Variants in RAG2 observed in about 807,000 individuals in gnomAD.
The protein encoded by RAG2 is V(D)J recombination-activating protein 2.
RAG2 carries 16 observed loss-of-function variants against 31.8 expected under a neutral mutation model. That is an observed-to-expected ratio of 0.50 (90% CI 0.34 to 0.76). The LOEUF (loss-of-function observed/expected upper bound fraction) is 0.76. Ranked by LOEUF, RAG2 falls within the 30% of genes least tolerant of loss-of-function variation. The pLI, the probability that RAG2 is intolerant of heterozygous loss-of-function variation, is 0.01. For missense variants in RAG2, 622 were observed against 628.5 expected (o/e 0.99, Z 0.11); for synonymous variants, 199 against 215.9 (o/e 0.92, Z 0.68).
chr11:36,594,085 A>G lies in RAG2; in HGVS notation c.84T>C (p.Val28=). The change falls in exon 2 of 2, where the codon GTT becomes GTC. Residue 28 remains valine (V), a synonymous_variant. Transcript: ENST00000311485. ...GCCAGCCTTTTTGTCCAAAGAAGAA[A>G]ACTTGTCCATCAAAATTCATCAGTG... is the stretch of plus-strand genomic sequence containing the variant. The part of the protein sequence containing the change: ...GFSLMNFDGQ[V]FFFGQKGWPK... 1 of 1,614,044 alleles carries G rather than the reference A, an allele frequency of 6.2e-7. No homozygotes were observed. Among genetic ancestry groups the G allele is most frequent in the Non-Finnish European group, 8.5e-7 (1 of 1,179,990 alleles).
chr11:36,593,585 T>C lies in RAG2; in HGVS notation c.584A>G (p.Tyr195Cys), dbSNP rs1371911896. 1.2e-6 allele frequency: 2 copies of C among 1,614,204 alleles called. No individual in the cohort carries two copies. The highest frequency in any genetic ancestry group is 8.5e-7 in the Non-Finnish European group (1 of 1,180,024). The change falls in exon 2 of 2, where the codon TAC becomes TGC. Residue 195 changes from tyrosine (Y) to cysteine (C), a missense_variant. Transcript: ENST00000311485. The part of the protein sequence containing the change: ...VDFEFGCATS[Y>C]ILPELQDGLS... ...CCCATCCTGAAGTTCTGGAAGAATG[T>C]ATGATGTAGCACACCCAAATTCAAA...
Position 36,592,896 on chromosome 11 carries a change from C to A in RAG2, c.1273G>T (p.Val425Leu). The change falls in exon 2 of 2, where the codon GTG becomes TTG. Residue 425 changes from valine to leucine, a missense_variant. Transcript: ENST00000311485. ...YWITCCPTCD[V>L]DINTWVPFYS... ...AATGGTACCCAAGTGTTGATATCCA[C>A]ATCACAAGTAGGGCAGCATGTAATC... 6.2e-7 allele frequency: 1 copy of A among 1,614,148 alleles called. No homozygotes were observed. Among genetic ancestry groups the A allele is most frequent in the Non-Finnish European group, 8.5e-7 (1 of 1,180,028 alleles).
At chr11:36,596,217 T>TTTTTG (rs1165128695) in intron 1 of RAG2, among the ~76,000 whole-genome samples, 5 of 138,246 alleles carry the variant, frequency 3.6e-5, no homozygotes, top group African/African-American at 1.5e-4. Flanking sequence ...TAGTGTTTTT[T>TTTTTG]TTTTGTTTTT....
intron 1 of RAG2, chr11:36,597,681 C>T (rs1851327508): frequency 6.6e-6 from 1 of 152,184 alleles, no homozygotes; most frequent in African/African-American, 2.4e-5. Flanking sequence ...TCTTGCTGAT[C>T]CGTGCTGGCC....
chr11:36,592,143 C>T lies in RAG2; in HGVS notation c.*442G>A. The stretch of plus-strand genomic sequence containing the variant: ...GTAGATCTTGCTTTTAAGTTTTGGC[C>T]AACTGCCGAATTGTTATGTTGCACA... On this transcript the variant is annotated 3_prime_UTR_variant, in exon 2 of 2. Coordinates refer to ENST00000311485, the MANE Select transcript of RAG2 (RefSeq NM_000536.4). The T allele has an allele frequency of 5.2e-6, 1 of 193,732 alleles. No individual in the cohort carries two copies. Among genetic ancestry groups the T allele is most frequent in the East Asian group, 1.4e-4 (1 of 6,936 alleles). 12.0% of individuals were successfully genotyped at this position (193,732 alleles called of 1,614,324 possible).
At chr11:36,595,504 T>C (rs1402833996) in intron 1 of RAG2, among the ~76,000 whole-genome samples, 3 of 152,224 alleles carry the variant, frequency 2.0e-5, no homozygotes, top group East Asian at 3.8e-4. Context: ...TAAGAGTTAA[T>C]TCTTAATATG....
At chr11:36,591,713 T>C (rs1851023618), downstream of RAG2, among the ~76,000 whole-genome samples, 1 of 152,128 alleles carries the variant, frequency 6.6e-6, no homozygotes, top group South Asian at 2.1e-4. Context: ...TTTTGGGAAA[T>C]AATATTATTC....
chr11:36,591,273 GT>G (rs1476851711), downstream of RAG2, among the ~76,000 whole-genome samples: 4 of 152,168 alleles, frequency 2.6e-5, no homozygotes, highest in African/African-American at 9.6e-5. Flanking sequence ...GTACTCCAGC[GT>G]TTCATCTCTT....
chr11:36,593,168 T>C lies in RAG2; in HGVS notation c.1001A>G (p.Asp334Gly), dbSNP rs1851064825. The change falls in exon 2 of 2, where the codon GAC (aspartate) becomes GGC (glycine). Residue 334 changes from aspartate (D) to glycine (G), a missense_variant. Asp to Gly is a moderately conservative substitution (Grantham distance 94, BLOSUM62 -1). Transcript: ENST00000311485. ...TCCTTCTGAAACAACTTGTTTATTG[T>C]CTCCTGGTATGCCAAGAAAAACAGT... The part of the protein sequence containing the change: ...NGTVFLGIPG[D>G]NKQVVSEGFY... 1 of 1,614,178 alleles carries C rather than the reference T, an allele frequency of 6.2e-7. No homozygotes were observed. The highest frequency in any genetic ancestry group is 8.5e-7 in the Non-Finnish European group (1 of 1,180,036).
chr11:36,595,074 T>C (rs1245651411), intron 1 of RAG2: 3 of 152,188 alleles, frequency 2.0e-5, no homozygotes, highest in Admixed American at 6.5e-5. Context: ...AATACAGTTA[T>C]TAGGTTTTAA....
intron 1 of RAG2, chr11:36,594,727 T>C (rs1280795049): frequency 6.3e-6 from 1 of 158,218 alleles, no homozygotes; most frequent in Non-Finnish European, 1.4e-5. Flanking sequence ...GCTACCCTGG[T>C]ATTGCTGGAG....
At position 36,594,170 on chromosome 11, in the gene RAG2, G is replaced by A. The variant is rs781432309; in HGVS notation, c.-2C>T. 9 of 1,590,446 alleles carry A rather than the reference G, an allele frequency of 5.7e-6. No individual in the cohort carries two copies. Among genetic ancestry groups the A allele is most frequent in the Admixed American group, 5.0e-5 (3 of 59,986 alleles). ...GACTGTTACCATCTGCAGAGACATA[G>A]TTTCTGATGGTACGTAGATTTTTGT... On this transcript the variant is annotated 5_prime_UTR_variant, in exon 2 of 2. Coordinates refer to ENST00000311485, the MANE Select transcript of RAG2 (RefSeq NM_000536.4).
At chr11:36,596,405 A>G (rs1851256369) in intron 1 of RAG2, among the ~76,000 whole-genome samples, 1 of 152,136 alleles carries the variant, frequency 6.6e-6, no homozygotes, top group East Asian at 1.9e-4. Flanking sequence ...TTATTATCAA[A>G]GTTATGAAAA....
Position 36,592,822 on chromosome 11 carries a change from C to T in RAG2, c.1347G>A (p.Gly449=), listed in dbSNP as rs376226076. ...ACTGAGCATGGACCCAGTGCCCATC[C>T]CCATGAGAGCAGTAGATCATGGCGG... is the stretch of plus-strand genomic sequence containing the variant. ...NKPAMIYCSH[G]DGHWVHAQCM... The change falls in exon 2 of 2, where the codon GGG becomes GGA. Residue 449 remains glycine (G), a synonymous_variant. Transcript: ENST00000311485. 3 of 1,614,098 alleles carry T rather than the reference C, an allele frequency of 1.9e-6. No individual in the cohort carries two copies. Among genetic ancestry groups the T allele is most frequent in the African/African-American group, 2.7e-5 (2 of 75,020 alleles).
rs1413100202 is a variant in RAG2 at position 36,592,755 on chromosome 11, C to T, written c.1414G>A (p.Gly472Arg). The T allele has an allele frequency of 7.4e-6, 12 of 1,614,082 alleles. No individual in the cohort carries two copies. Among genetic ancestry groups the T allele is most frequent in the East Asian group, 4.5e-5 (2 of 44,872 alleles). ...AERTLIHLSAGSNKYYCNEHV... is the reference protein window; with the variant it reads ...AERTLIHLSARSNKYYCNEHV... ...TCATTGCAGTAATACTTGTTGCTTC[C>T]TGCTGACAGATGGATGAGTGTGCGT... The change falls in exon 2 of 2, where the codon GGA becomes AGA. Residue 472 changes from glycine (G) to arginine (R), a missense_variant. Transcript: ENST00000311485.
In RAG2 at chr11:36,592,449, TG is replaced by T; in HGVS notation, c.*135del. 8.9e-7 allele frequency: 1 copy of T among 1,128,528 alleles called. No individual in the cohort carries two copies. The highest frequency in any genetic ancestry group is 1.6e-5 in the African/African-American group (1 of 63,572). 69.9% of individuals were successfully genotyped at this position (1,128,528 alleles called of 1,614,324 possible). On this transcript the variant is annotated 3_prime_UTR_variant, in exon 2 of 2. Transcript: ENST00000311485. The stretch of plus-strand genomic sequence containing the variant: ...TCATTGCATTATAAACACTTTTTTC[TG>T]GCCCTTAATTCATGTAACTAAAAGA...
chr11:36,593,564 T>A lies in RAG2; in HGVS notation c.605A>T (p.Asp202Val). The part of the protein sequence containing the change: ...ATSYILPELQ[D>V]GLSFHVSIAK... ...AATAGAGACATGAAAAGATAGCCCA[T>A]CCTGAAGTTCTGGAAGAATGTATGA... The change falls in exon 2 of 2, where the codon GAT becomes GTT. Residue 202 changes from aspartate to valine, a missense_variant. Asp to Val is a radical substitution (Grantham distance 152, BLOSUM62 -3). Coordinates refer to ENST00000311485, the MANE Select transcript of RAG2 (RefSeq NM_000536.4). 1 of 1,614,166 alleles carries A rather than the reference T, an allele frequency of 6.2e-7. No individual in the cohort carries two copies. Among genetic ancestry groups the A allele is most frequent in the Non-Finnish European group, 8.5e-7 (1 of 1,180,000 alleles).
intron 1 of RAG2, chr11:36,594,703 G>A (rs781348585): frequency 1.2e-5 from 2 of 161,374 alleles, no homozygotes; most frequent in Non-Finnish European, 2.7e-5. Flanking sequence ...GCCCGGAGCG[G>A]TGTCGGGCAA....
chr11:36,594,065 C>A lies in RAG2; in HGVS notation c.104G>T (p.Gly35Val), dbSNP rs148508754. 7.4e-6 allele frequency: 12 copies of A among 1,613,910 alleles called. No individual in the cohort carries two copies. Among genetic ancestry groups the A allele is most frequent in the Admixed American group, 1.7e-5 (1 of 59,990 alleles). ...AGTGGGGCAGGATCTTTTGGGCCAG[C>A]CTTTTTGTCCAAAGAAGAAAACTTG... ...DGQVFFFGQKGWPKRSCPTGV... is the reference protein window; with the variant it reads ...DGQVFFFGQKVWPKRSCPTGV... The change falls in exon 2 of 2, where the codon GGC becomes GTC. Residue 35 changes from glycine (G) to valine (V), a missense_variant. Gly to Val is a moderately radical substitution (Grantham distance 109). Transcript: ENST00000311485.
Sources: allele counts gnomAD v4.1 joint callset (sites outside exome capture counted in the v4.1 genomes callset), GRCh38; gene constraint gnomAD v4.1.1; transcripts MANE v1.5; gene names NCBI Gene and HGNC (gene_info 2026-07-23, HGNC 2026-07-21).